The following ADGRE2 variants were observed in gnomAD, a reference collection of about 807,000 sequenced individuals.
ADGRE2 encodes adhesion G protein-coupled receptor E2.
In ADGRE2, 83 loss-of-function variants were observed where a neutral mutation model predicts 100.8. That is an observed-to-expected ratio of 0.82 (90% CI 0.69 to 0.99). The LOEUF (loss-of-function observed/expected upper bound fraction) is 0.99. Among genes scored for constraint, ADGRE2 ranks in the 50% least tolerant of loss-of-function variants. ADGRE2 has a pLI of 0.00. For synonymous variants in ADGRE2, 355 were observed against 413.0 expected (o/e 0.86, Z 1.70); for missense variants, 814 against 1,035.7 (o/e 0.79, Z 2.94).
At chr19:14,736,856 TATAGATATTTAATA>T (rs2042768500) in intron 20 of ADGRE2, among the ~76,000 whole-genome samples, 1 of 145,668 alleles carries the variant, frequency 6.9e-6, no homozygotes, top group Non-Finnish European at 1.5e-5. Flanking sequence ...TTTAGAAATA[TATAGATATTTAATA>T]TCTATATATT....
rs114545999 is a variant in ADGRE2 at position 14,774,441 on chromosome 19, G to T, written c.32-135C>A. On this transcript the variant is annotated intron_variant, in intron 2 of 20. Coordinates refer to ENST00000315576, the MANE Select transcript of ADGRE2 (RefSeq NM_013447.4). ...CCTGCCCATCGTTCAAACAGAGTGA[G>T]CAGATGTCACGTCCCACTCGGATGC... 2,126 of 1,481,502 alleles carry T rather than the reference G, an allele frequency of 1.4e-3. 23 individuals are homozygous for T. The African/African-American group carries it at 0.026, about 18-fold the overall frequency. 91.8% of individuals were successfully genotyped at this position (1,481,502 alleles called of 1,614,324 possible).
chr19:14,725,475 AAAGTCCC>A, the ADGRE2 span, among the ~76,000 whole-genome samples: 1 of 152,176 alleles, frequency 6.6e-6, no homozygotes, highest in Non-Finnish European at 1.5e-5. Flanking sequence ...AACTCAATCA[AAAGTCCC>A]AAGTCCCAAG....
chr19:14,773,037 C>A (rs375249711), intron 4 of ADGRE2, among the ~76,000 whole-genome samples: 1 of 142,112 alleles, frequency 7.0e-6, no homozygotes, highest in East Asian at 2.1e-4. Flanking sequence ...CGAGATCGCG[C>A]CACTGCACTC....
intron 17 of ADGRE2, 116 bp from the exon 18 acceptor site, chr19:14,746,439 C>A (rs1432448630): frequency 3.1e-6 from 2 of 642,858 alleles, no homozygotes; most frequent in Non-Finnish European, 5.5e-6. Context: ...GCGGTGCAAT[C>A]TCAGCTCACT....
At chr19:14,748,158 G>A (rs2043149164) in intron 16 of ADGRE2, among the ~76,000 whole-genome samples, 1 of 152,080 alleles carries the variant, frequency 6.6e-6, no homozygotes, top group African/African-American at 2.4e-5. Flanking sequence ...AGGCTTCGGT[G>A]TCTGAAGTTT....
chr19:14,733,019 A>AAG lies in ADGRE2; in HGVS notation c.*3215_*3216dup, dbSNP rs1378388683. The stretch of plus-strand genomic sequence containing the variant: ...ACACTCATAGGGACCCACATGTTCC[A>AAG]AGCCTCCAGCTGTGTGTTCTGCTTC... On this transcript the variant is annotated 3_prime_UTR_variant, in exon 21 of 21. Transcript: ENST00000315576. 1 of 152,198 alleles carries AAG rather than the reference A, an allele frequency of 6.6e-6. No homozygotes were observed. The highest frequency in any genetic ancestry group is 1.5e-5 in the Non-Finnish European group (1 of 68,052). 9.4% of individuals were successfully genotyped at this position (152,198 alleles called of 1,614,324 possible). A position where few individuals can be genotyped will look rare whatever the true frequency, so the allele number is the denominator to read the frequency against.
chr19:14,755,610 G>A (rs1463572752), intron 13 of ADGRE2, 44 bp downstream of exon 13: 19 of 1,550,168 alleles, frequency 1.2e-5, no homozygotes, highest in Admixed American at 3.3e-5. Flanking sequence ...GGCTATGCCC[G>A]GACTCAGACT....
At chr19:14,772,260 G>T in intron 5 of ADGRE2, 82 bp downstream of exon 5, 1 of 1,580,838 alleles carries the variant, frequency 6.3e-7, no homozygotes, top group Non-Finnish European at 8.7e-7. Flanking sequence ...TTGGGTACCT[G>T]CTCCCTGGAT....
chr19:14,766,326 G>A lies in ADGRE2; in HGVS notation c.543C>T (p.Leu181=), dbSNP rs1194061526. ...QNPCHSSTHC[L]NNVGSYQCRC... Reference sequence around the variant, plus strand: ...GGCACTGATAGCTGCCCACGTTGTTGAGGCAGTGGGTGGAGCTGTGGCATG... The same window carrying A: ...GGCACTGATAGCTGCCCACGTTGTTAAGGCAGTGGGTGGAGCTGTGGCATG... The change falls in exon 7 of 21, where the codon CTC becomes CTT. Residue 181 remains leucine (L), a synonymous_variant. Transcript: ENST00000315576. The A allele has an allele frequency of 1.9e-6, 3 of 1,614,014 alleles. No homozygotes were observed. In the African/African-American group the frequency reaches 4.0e-5, roughly 22 times the overall value.
chr19:14,751,235 C>G (rs2043273413), intron 16 of ADGRE2, among the ~76,000 whole-genome samples: 1 of 152,158 alleles, frequency 6.6e-6, no homozygotes, highest in Non-Finnish European at 1.5e-5. Flanking sequence ...TCCGAAAACC[C>G]TCTTCTACAA....
chr19:14,732,216 A>G (rs1319086386), downstream of ADGRE2: 2 of 152,158 alleles, frequency 1.3e-5, no homozygotes, highest in African/African-American at 4.8e-5. Flanking sequence ...TGTGTCGAGC[A>G]AGTCTGTAGG....
In ADGRE2 at chr19:14,767,888, G is replaced by GT. The variant is rs575179228; in HGVS notation, c.356-780dup. 5.9e-5 allele frequency among the ~76,000 whole-genome samples: 9 copies of GT among 152,304 alleles called. No individual in the cohort carries two copies. The South Asian group carries it at 1.9e-3, about 32-fold the overall frequency. The stretch of plus-strand genomic sequence containing the variant: ...TATTTGAGGAATGGAGAGTAGGCAG[G>GT]TTTTCAGCTTCTGCTCACCCTCTTG... On this transcript the variant is annotated intron_variant, in intron 5 of 20. Transcript: ENST00000315576.
chr19:14,757,645 A>T (rs771047123), intron 11 of ADGRE2, among the ~76,000 whole-genome samples: 21 of 152,108 alleles, frequency 1.4e-4, no homozygotes, highest in Non-Finnish European at 7.4e-5. Context: ...GGATTACTGG[A>T]TAGTAACATG....
intron 20 of ADGRE2, among the ~76,000 whole-genome samples, chr19:14,742,890 A>G (rs1051872854): frequency 2.0e-5 from 3 of 152,038 alleles, no homozygotes; most frequent in Non-Finnish European, 4.4e-5. Flanking sequence ...GTGAGAGTCA[A>G]ACTAAGCACA....
intron 9 of ADGRE2, 22 bp from the exon 10 acceptor site, chr19:14,765,419 G>A: frequency 6.2e-7 from 1 of 1,614,108 alleles, no homozygotes; most frequent in African/African-American, 1.3e-5. Context: ...GGAGATGTGG[G>A]GGTCAGAGAG....
rs562159963 is a variant in ADGRE2, at chr19:14,736,323, G to A, written c.2464-79C>T. The A allele has an allele frequency of 1.6e-4, 154 of 939,516 alleles. No individual in the cohort carries two copies. The African/African-American group carries it at 1.8e-3, about 11-fold the overall frequency. 58.2% of individuals were successfully genotyped at this position (939,516 alleles called of 1,614,324 possible). A position where few individuals can be genotyped will look rare whatever the true frequency, so the allele number is the denominator to read the frequency against. On this transcript the variant is annotated intron_variant, in intron 20 of 20. Coordinates refer to ENST00000315576, the MANE Select transcript of ADGRE2 (RefSeq NM_013447.4). ...GTTGCCTGGGCTGGAGTGCAATGGC[G>A]CAGCCTCGACTCACTGTAACCCCCG...
chr19:14,771,018 C>T (rs2044187460), intron 5 of ADGRE2, among the ~76,000 whole-genome samples: 1 of 152,050 alleles, frequency 6.6e-6, no homozygotes, highest in Admixed American at 6.6e-5. Context: ...AGGCTCTGTC[C>T]TTTGGTCAAG....
rs1193423846 is a variant in ADGRE2 at position 14,736,921 on chromosome 19, A to ATATATTTAATATC, written c.2464-678_2464-677insGATATTAAATATA. 9.8e-3 allele frequency among the ~76,000 whole-genome samples: 1,428 copies of ATATATTTAATATC among 145,264 alleles called. 19 individuals carry two copies. Among genetic ancestry groups the ATATATTTAATATC allele is most frequent in the East Asian group, 0.058 (292 of 4,998 alleles). ...TTAATATCTATATATTTAGAAATAT[A>ATATATTTAATATC]TATATATTTAGAAATATATATGACT... is the stretch of plus-strand genomic sequence containing the variant. On this transcript the variant is annotated intron_variant, in intron 20 of 20. Transcript: ENST00000315576.
intron 14 of ADGRE2, among the ~76,000 whole-genome samples, chr19:14,752,741 C>T (rs915399717): frequency 6.6e-6 from 1 of 151,604 alleles, no homozygotes; most frequent in Admixed American, 6.6e-5. Context: ...TAGGTGACAA[C>T]GGGTGTGCAT....
Sources: allele counts gnomAD v4.1 joint callset (sites outside exome capture counted in the v4.1 genomes callset), GRCh38; gene constraint gnomAD v4.1.1; transcripts MANE v1.5; gene names NCBI Gene and HGNC (gene_info 2026-07-23, HGNC 2026-07-21).